Variants in ATP10A observed in about 807,000 individuals in gnomAD.
ATP10A encodes the protein ATPase phospholipid transporting 10A (putative).
A neutral mutation model predicts 147.8 loss-of-function variants in ATP10A; 111 were observed. The observed-to-expected ratio is 0.75, with a 90% confidence interval of 0.64 to 0.88. The LOEUF (loss-of-function observed/expected upper bound fraction) is 0.88, where lower values mean the gene tolerates loss of function less well. Among genes scored for constraint, ATP10A ranks in the 40% least tolerant of loss-of-function variants. The pLI is 0.00. For synonymous variants in ATP10A, 875 were observed against 841.6 expected (o/e 1.04, Z -0.69); for missense variants, 1,927 against 1,959.0 (o/e 0.98, Z 0.31).
At chr15:25,689,200 T>C (rs1203456986) in intron 15 of ATP10A, among the ~76,000 whole-genome samples, 1 of 152,240 alleles carries the variant, frequency 6.6e-6, no homozygotes, top group Non-Finnish European at 1.5e-5. Context: ...ACAATGCTTG[T>C]CCTTCCGTCA....
At chr15:25,723,512 T>C (rs8039534) in intron 6 of ATP10A, among the ~76,000 whole-genome samples, 15,134 of 152,048 alleles carry the variant, frequency 0.1, 1,268 homozygotes, top group African/African-American at 0.23. Context: ...AAATTTTATT[T>C]TGGAGTAATT....
intron 12 of ATP10A, 144 bp from the exon 13 acceptor site, chr15:25,702,244 G>A: frequency 1.2e-6 from 1 of 802,746 alleles, no homozygotes; most frequent in Non-Finnish European, 1.9e-6. Flanking sequence ...GGGCTGGGCT[G>A]CCAGTTGTCT....
rs137879813 is a variant in ATP10A at position 25,846,528 on chromosome 15, C to A, written c.449+16120G>T. Among the ~76,000 whole-genome samples, 16 of 152,196 alleles carry A rather than the reference C, an allele frequency of 1.1e-4. No individual in the cohort carries two copies. In the South Asian group the frequency reaches 3.1e-3, roughly 30 times the overall value. On this transcript the variant is annotated intron_variant, in intron 1 of 20. Coordinates refer to ENST00000555815, the MANE Select transcript of ATP10A (RefSeq NM_024490.4). The stretch of plus-strand genomic sequence containing the variant: ...CAACCTTCAGAACTGACATGCTCAG[C>A]GCAGAAGGGCCACCCCTGGGCATGA...
At chr15:25,779,063 G>C (rs1329188592) in intron 2 of ATP10A, among the ~76,000 whole-genome samples, 1 of 152,054 alleles carries the variant, frequency 6.6e-6, no homozygotes. Flanking sequence ...TTTTAGTAGA[G>C]ATGGGGTTTC....
intron 1 of ATP10A, among the ~76,000 whole-genome samples, chr15:25,788,174 A>G (rs1055305738): frequency 6.6e-6 from 1 of 152,144 alleles, no homozygotes; most frequent in Non-Finnish European, 1.5e-5. Flanking sequence ...CTCCTGCAGG[A>G]AACATGTAGG....
At chr15:25,722,955 A>G (rs1902332697) in intron 6 of ATP10A, among the ~76,000 whole-genome samples, 1 of 152,246 alleles carries the variant, frequency 6.6e-6, no homozygotes, top group South Asian at 2.1e-4. Flanking sequence ...GCAAGTGCAG[A>G]TAAATGCAAT....
chr15:25,850,980 T>G, intron 1 of ATP10A, among the ~76,000 whole-genome samples: 1 of 152,008 alleles, frequency 6.6e-6, no homozygotes, highest in East Asian at 1.9e-4. Context: ...TTAGAAGCAG[T>G]GGTTTCCATG....
intron 2 of ATP10A, among the ~76,000 whole-genome samples, chr15:25,753,037 A>T (rs1250558383): frequency 6.6e-6 from 1 of 152,212 alleles, no homozygotes; most frequent in Non-Finnish European, 1.5e-5. Context: ...ATATAGAATA[A>T]CTAAATTAAG....
At chr15:25,728,134 G>T (rs984359549) in intron 3 of ATP10A, among the ~76,000 whole-genome samples, 1 of 152,120 alleles carries the variant, frequency 6.6e-6, no homozygotes, top group African/African-American at 2.4e-5. Flanking sequence ...CTCTCCGCAC[G>T]CATTCCCCAC....
At chr15:25,854,276 G>C (rs1893414960) in intron 1 of ATP10A, among the ~76,000 whole-genome samples, 1 of 152,234 alleles carries the variant, frequency 6.6e-6, no homozygotes, top group East Asian at 1.9e-4. Flanking sequence ...GGAACAGTGT[G>C]AGCAAAAGGA....
At chr15:25,701,869 T>A (rs79497018) in intron 13 of ATP10A, 47 bp downstream of exon 13, 67,090 of 1,517,856 alleles carry the variant, frequency 0.044, 1,834 homozygotes, top group East Asian at 0.14. Flanking sequence ...ACGATAAACA[T>A]GGACCACCCC....
chr15:25,680,048 T>A (rs3736186), intron 20 of ATP10A, 73 bp downstream of exon 20: 1 of 1,585,690 alleles, frequency 6.3e-7, no homozygotes, highest in Non-Finnish European at 8.6e-7. Flanking sequence ...GAGACCCACA[T>A]AGAGCAGAAG....
intron 13 of ATP10A, among the ~76,000 whole-genome samples, chr15:25,698,125 A>G (rs561946280): frequency 2.0e-5 from 3 of 152,354 alleles, no homozygotes; most frequent in East Asian, 1.9e-4. Flanking sequence ...GTAAAAACTA[A>G]GGCAATGTAT....
chr15:25,728,526 C>T (rs1022702999), intron 3 of ATP10A, among the ~76,000 whole-genome samples: 7 of 152,148 alleles, frequency 4.6e-5, no homozygotes, highest in African/African-American at 1.7e-4. Flanking sequence ...TATGAGATAT[C>T]CTTAGGTACA....
At chr15:25,727,063 A>AAAAG in intron 4 of ATP10A, 97 bp downstream of exon 4, 1 of 1,079,182 alleles carries the variant, frequency 9.3e-7, no homozygotes, top group Non-Finnish European at 1.4e-6. Flanking sequence ...CTCAAAAAAA[A>AAAAG]AAAATGAAAA....
chr15:25,841,193 G>A (rs1344089874), intron 1 of ATP10A, among the ~76,000 whole-genome samples: 2 of 150,924 alleles, frequency 1.3e-5, no homozygotes, highest in East Asian at 3.9e-4. Context: ...AATGTTTTAT[G>A]TTTTCTTTTA....
chr15:25,816,540 T>G (rs1419158311), intron 1 of ATP10A, among the ~76,000 whole-genome samples: 1 of 152,196 alleles, frequency 6.6e-6, no homozygotes, highest in Non-Finnish European at 1.5e-5. Flanking sequence ...TCTGTGCAAT[T>G]TTTAGAGAGC....
intron 8 of ATP10A, 73 bp downstream of exon 8, chr15:25,718,109 T>C: frequency 6.7e-7 from 1 of 1,484,770 alleles, no homozygotes; most frequent in Non-Finnish European, 9.3e-7. Flanking sequence ...TATAGACACC[T>C]TCCATGAGCG....
intron 1 of ATP10A, among the ~76,000 whole-genome samples, chr15:25,851,406 AAATC>A (rs1234516639): frequency 1.3e-5 from 2 of 152,068 alleles, no homozygotes; most frequent in South Asian, 2.1e-4. Context: ...TGATAAGCAA[AAATC>A]AATCAAAGAC....
Sources: allele counts gnomAD v4.1 joint callset (sites outside exome capture counted in the v4.1 genomes callset), GRCh38; gene constraint gnomAD v4.1.1; transcripts MANE v1.5; gene names NCBI Gene and HGNC (gene_info 2026-07-23, HGNC 2026-07-21).